ZNF442: variants seen among roughly 807,000 people sequenced by gnomAD.
ZNF442 encodes the protein zinc finger protein 442.
In ZNF442, 45 loss-of-function variants were observed where a neutral mutation model predicts 57.0. The observed-to-expected ratio is 0.79, with a 90% CI of 0.62 to 1.01. The LOEUF (loss-of-function observed/expected upper bound fraction) is 1.01. Among genes scored for constraint, ZNF442 ranks in the 50% least tolerant of loss-of-function variants. The pLI, the probability that ZNF442 is intolerant of heterozygous loss-of-function variation, is 0.00. For synonymous variants in ZNF442, 213 were observed against 241.8 expected, an observed-to-expected ratio of 0.88 and a Z score of 1.10; for missense variants, 690 against 756.5, an observed-to-expected ratio of 0.91 and a Z score of 1.03.
At chr19:12,364,391 G>A (rs1251573192) in intron 2 of ZNF442, among the ~76,000 whole-genome samples, 5 of 138,132 alleles carry the variant, frequency 3.6e-5, no homozygotes, top group Non-Finnish European at 7.6e-5. Flanking sequence ...TGGGCAACAA[G>A]AGCACAACTC....
rs1347254351 is a variant in ZNF442, at chr19:12,350,259, G to A, written c.1326C>T (p.Phe442=). The change falls in exon 6 of 6, where the codon TTC becomes TTT. Residue 442 remains phenylalanine (F), a synonymous_variant. Transcript: ENST00000242804. ...PYECKECGKA[F]RISSSLRRHE... The stretch of plus-strand genomic sequence containing the variant: ...GTCTTCGAAGGGAACTAGAAATACG[G>A]AAGGCTTTACCACATTCTTTACATT... 6.2e-7 allele frequency: 1 copy of A among 1,612,878 alleles called. No homozygotes were observed. Among genetic ancestry groups the A allele is most frequent in the Non-Finnish European group, 8.5e-7 (1 of 1,179,796 alleles).
chr19:12,372,677 G>A, the ZNF442 span, among the ~76,000 whole-genome samples: 1 of 152,194 alleles, frequency 6.6e-6, no homozygotes, highest in African/African-American at 2.4e-5. Flanking sequence ...TCCACTTTAA[G>A]CAGGAGGCAC....
At chr19:12,359,554 T>C (rs1329234622) in intron 3 of ZNF442, among the ~76,000 whole-genome samples, 3 of 152,162 alleles carry the variant, frequency 2.0e-5, no homozygotes, top group African/African-American at 7.2e-5. Flanking sequence ...AAGAAAACTT[T>C]GCTTAAGTTT....
the ZNF442 span, among the ~76,000 whole-genome samples, chr19:12,371,436 T>C: frequency 6.6e-6 from 1 of 152,218 alleles, no homozygotes; most frequent in African/African-American, 2.4e-5. Flanking sequence ...TACTTTTTCC[T>C]AGACAGTTGT....
At chr19:12,356,643 A>T (rs1969334856) in intron 3 of ZNF442, among the ~76,000 whole-genome samples, 1 of 152,044 alleles carries the variant, frequency 6.6e-6, no homozygotes, top group Admixed American at 6.6e-5. Context: ...AAAAAGAGAG[A>T]GAGAGAAACA....
rs183767338 is a variant in ZNF442, at chr19:12,347,601, A to C, written c.*2100T>G. 6.6e-6 allele frequency: 1 copy of C among 152,406 alleles called. No individual in the cohort carries two copies. Among genetic ancestry groups the C allele is most frequent in the East Asian group, 1.9e-4 (1 of 5,194 alleles). The allele number at this position is 152,406 out of a possible 1,614,324, so 9.4% of individuals were successfully genotyped here. A position where few individuals can be genotyped will look rare whatever the true frequency, so the allele number is the denominator to read the frequency against. ...GTTTCTATTTGGCCACCTGGCCAAAACTGAAAATGTCAGCCCCGCCCATAA... is the reference window on the plus strand; with the variant it reads ...GTTTCTATTTGGCCACCTGGCCAAACCTGAAAATGTCAGCCCCGCCCATAA... On this transcript the variant is annotated 3_prime_UTR_variant, in exon 6 of 6. Transcript: ENST00000242804.
At chr19:12,360,037 C>T (rs551326383) in intron 3 of ZNF442, among the ~76,000 whole-genome samples, 1 of 152,156 alleles carries the variant, frequency 6.6e-6, no homozygotes, top group East Asian at 1.9e-4. Flanking sequence ...CATCTTCCTT[C>T]TAATCTTGGT....
chr19:12,373,574 G>A, the ZNF442 span: 2 of 184,296 alleles, frequency 1.1e-5, no homozygotes, highest in African/African-American at 4.7e-5. Flanking sequence ...TTTTACCTGA[G>A]CGCAAGATGG....
chr19:12,358,090 T>C (rs1214440664), intron 3 of ZNF442, among the ~76,000 whole-genome samples: 1 of 151,824 alleles, frequency 6.6e-6, no homozygotes, highest in Non-Finnish European at 1.5e-5. Context: ...GCCTCCCAAG[T>C]AGCTGGGATT....
Position 12,350,631 on chromosome 19 carries a change from C to G in ZNF442, c.954G>C (p.Glu318Asp), listed in dbSNP as rs1969211794. 5 of 1,614,174 alleles carry G rather than the reference C, an allele frequency of 3.1e-6. No individual in the cohort carries two copies. In the East Asian group the frequency reaches 1.1e-4, roughly 36 times the overall value. ...LRIHERTHTGEKPYECKQCGK... is the reference protein window; with the variant it reads ...LRIHERTHTGDKPYECKQCGK... ...CGCATTGCTTGCATTCATAGGGTTT[C>G]TCTCCAGTGTGAGTTCTTTCATGTA... Residue 318 changes from glutamate (E) to aspartate (D), a missense_variant, in exon 6 of 6, where the codon GAG (glutamate) becomes GAC (aspartate). Glu to Asp is a conservative substitution (Grantham distance 45). Transcript: ENST00000242804.
chr19:12,366,882 G>T (rs903456438), upstream of ZNF442, among the ~76,000 whole-genome samples: 5 of 152,178 alleles, frequency 3.3e-5, no homozygotes, highest in Non-Finnish European at 7.3e-5. Context: ...CAATCCGCCG[G>T]CCTCGGCCTC....
intron 2 of ZNF442, among the ~76,000 whole-genome samples, chr19:12,364,339 G>A (rs1307798120): frequency 6.6e-6 from 1 of 151,170 alleles, no homozygotes; most frequent in African/African-American, 2.4e-5. Context: ...CCCGGGAGGC[G>A]GAGGTTGCGG....
chr19:12,351,061 T>C lies in ZNF442; in HGVS notation c.524A>G (p.His175Arg), dbSNP rs748724137. Residue 175 changes from histidine to arginine, a missense_variant, in exon 6 of 6, where the codon CAC becomes CGC. His to Arg is a conservative substitution (Grantham distance 29). Coordinates refer to ENST00000242804, the MANE Select transcript of ZNF442 (RefSeq NM_030824.3). ...HHSFQTQERP[H>R]TGKKRYDCKE... ...ACAATCATAGCGTTTCTTTCCAGTGTGAGGTCTTTCCTGTGTTTGAAAGGA... is the reference window on the plus strand; with the variant it reads ...ACAATCATAGCGTTTCTTTCCAGTGCGAGGTCTTTCCTGTGTTTGAAAGGA... 1 of 1,614,066 alleles carries C rather than the reference T, an allele frequency of 6.2e-7. No homozygotes were observed. The highest frequency in any genetic ancestry group is 1.1e-5 in the South Asian group (1 of 91,092).
rs1295787820 is a variant in ZNF442 at position 12,350,555 on chromosome 19, T to G, written c.1030A>C (p.Thr344Pro). The G allele has an allele frequency of 5.0e-6, 8 of 1,613,906 alleles. 1 individual carries two copies. The highest frequency in any genetic ancestry group is 6.8e-6 in the Non-Finnish European group (8 of 1,180,016). ...TTACATTTATGAGGTCCATCTCCAG[T>G]GTGCCTTATCATGTGTCTTTGAAAG... ...GSFQRHMIRH[T>P]GDGPHKCKIC... Residue 344 changes from threonine (T) to proline (P), a missense_variant, in exon 6 of 6, where the codon ACT (threonine) becomes CCT (proline). By Grantham distance (38) the Thr-to-Pro change is conservative. Transcript: ENST00000242804.
chr19:12,365,381 CCGAGGGGA>C, intron 1 of ZNF442, 138 bp from the exon 2 acceptor site: 1 of 228,162 alleles, frequency 4.4e-6, no homozygotes. Context: ...CACCCCGCGG[CCGAGGGGA>C]CTGAAGGCCG....
chr19:12,365,518 G>T lies in ZNF442; in HGVS notation c.-483+15C>A. ...CCTTCGCCCTGCCCCAGGACGCCGG[G>T]CCCCGCACACTCACCATTTCCCGGC... On this transcript the variant is annotated intron_variant, in intron 1 of 5. Transcript: ENST00000242804. 1 of 568,672 alleles carries T rather than the reference G, an allele frequency of 1.8e-6. No individual in the cohort carries two copies. The highest frequency in any genetic ancestry group is 3.1e-6 in the Non-Finnish European group (1 of 320,342). The allele number at this position is 568,672 out of a possible 1,614,324, so 35.2% of individuals were successfully genotyped here.
chr19:12,369,619 C>T (rs1052322191), upstream of ZNF442, among the ~76,000 whole-genome samples: 3 of 151,024 alleles, frequency 2.0e-5, no homozygotes, highest in Admixed American at 6.6e-5. Context: ...AACAATGGGC[C>T]GGGCGCAGTG....
In ZNF442 at chr19:12,349,252, C is replaced by G. The variant is rs1172952723; in HGVS notation, c.*449G>C. The G allele has an allele frequency of 6.6e-6, 1 of 151,986 alleles. No homozygotes were observed. The highest frequency in any genetic ancestry group is 2.4e-5 in the African/African-American group (1 of 41,090). The allele number at this position is 151,986 out of a possible 1,614,324, so 9.4% of individuals were successfully genotyped here. On this transcript the variant is annotated 3_prime_UTR_variant, in exon 6 of 6. Transcript: ENST00000242804. ...ACTGTAACATTCTAGGTGACATGTACTATGTAGGCAGGCCTGTGATGGTTG... is the reference window on the plus strand; with the variant it reads ...ACTGTAACATTCTAGGTGACATGTAGTATGTAGGCAGGCCTGTGATGGTTG...
rs1969131947 is a variant in ZNF442 at position 12,346,455 on chromosome 19, A to G, written c.*3246T>C. On this transcript the variant is annotated 3_prime_UTR_variant, in exon 6 of 6. Transcript: ENST00000242804. ...AATACGACAACCAGTATATGTGACAATGTGGAAAATAGAAACCCTTATGCA... is the reference window on the plus strand; with the variant it reads ...AATACGACAACCAGTATATGTGACAGTGTGGAAAATAGAAACCCTTATGCA... 1 of 152,246 alleles carries G rather than the reference A, an allele frequency of 6.6e-6. No individual in the cohort carries two copies. Among genetic ancestry groups the G allele is most frequent in the Non-Finnish European group, 1.5e-5 (1 of 68,048 alleles). The allele number at this position is 152,246 out of a possible 1,614,324, so 9.4% of individuals were successfully genotyped here.
Sources: gnomAD v4.1 joint callset for allele counts (sites outside exome capture counted in the v4.1 genomes callset) on GRCh38, gnomAD v4.1.1 for gene constraint, MANE v1.5 for transcripts, NCBI Gene and HGNC (gene_info 2026-07-23, HGNC 2026-07-21) for gene names.